NADK2: variants seen among roughly 807,000 people sequenced by gnomAD.
The protein encoded by NADK2 is NAD kinase 2, mitochondrial.
A neutral mutation model predicts 62.1 loss-of-function variants in NADK2; 35 were observed. The observed-to-expected ratio is 0.56, with a 90% CI of 0.43 to 0.75. The LOEUF (loss-of-function observed/expected upper bound fraction) is 0.75, where lower values mean the gene tolerates loss of function less well. Ranked by LOEUF, NADK2 falls within the 30% of genes least tolerant of loss-of-function variation. The pLI is 0.00. For synonymous variants in NADK2, 205 were observed against 207.9 expected (o/e 0.99, Z 0.12); for missense variants, 439 against 561.3 (o/e 0.78, Z 2.20).
intron 11 of NADK2, among the ~76,000 whole-genome samples, chr5:36,196,031 C>G (rs997010016): frequency 4.6e-5 from 7 of 151,998 alleles, no homozygotes; most frequent in Non-Finnish European, 8.8e-5. Context: ...ATGAAAACAC[C>G]AAAATTTATA....
chr5:36,239,320 G>A (rs1748022659), intron 1 of NADK2, among the ~76,000 whole-genome samples: 1 of 152,114 alleles, frequency 6.6e-6, no homozygotes, highest in Non-Finnish European at 1.5e-5. Flanking sequence ...CTCTCATCTG[G>A]TCTACAACTA....
intron 1 of NADK2, among the ~76,000 whole-genome samples, chr5:36,228,234 T>C (rs950172911): frequency 6.6e-6 from 1 of 152,178 alleles, no homozygotes; most frequent in Admixed American, 6.5e-5. Context: ...CCATTAAAAT[T>C]TTTTTAACTA....
chr5:36,193,245 G>A lies in NADK2; in HGVS notation c.*1899C>T, dbSNP rs1376921281. The A allele has an allele frequency of 2.0e-5, 3 of 152,058 alleles. No individual in the cohort carries two copies. Among genetic ancestry groups the A allele is most frequent in the Non-Finnish European group, 4.4e-5 (3 of 68,022 alleles). 9.4% of individuals were successfully genotyped at this position (152,058 alleles called of 1,614,324 possible). ...TGTAATCCCAATACTGGGAGGCCGA[G>A]GCAGGCAGATCACAAGGTCAGGAGT... is the stretch of plus-strand genomic sequence containing the variant. On this transcript the variant is annotated 3_prime_UTR_variant, in exon 12 of 12. Coordinates refer to ENST00000381937, the MANE Select transcript of NADK2 (RefSeq NM_001085411.3).
chr5:36,241,277 C>T lies in NADK2; in HGVS notation c.300+222G>A. On this transcript the variant is annotated intron_variant, in intron 1 of 11. Transcript: ENST00000381937. This position sits in a 1 kb window ranked among gnomAD's most constrained non-coding sequence, Gnocchi z 4.9. ...AGTCCCTGCATGAACCACTGTCCCT[C>T]TCTCTCCCCCTCTCCCCGGCCCTGC... is the stretch of plus-strand genomic sequence containing the variant. 1.1e-6 allele frequency: 1 copy of T among 899,326 alleles called. No homozygotes were observed. The highest frequency in any genetic ancestry group is 1.5e-6 in the Non-Finnish European group (1 of 664,838). The allele number at this position is 899,326 out of a possible 1,614,324, so 55.7% of individuals were successfully genotyped here. A position where few individuals can be genotyped will look rare whatever the true frequency, so the allele number is the denominator to read the frequency against.
rs141766246 is a variant in NADK2 at position 36,203,033 on chromosome 5, AAGAG to A, written c.957-1876_957-1873del. On this transcript the variant is annotated intron_variant, in intron 8 of 11. Coordinates refer to ENST00000381937, the MANE Select transcript of NADK2 (RefSeq NM_001085411.3). ...AAAGCCCCTCTCTATCAAGAATTAA[AAGAG>A]AGAAAAATAGACTATCCTAATATTT... Among the ~76,000 whole-genome samples the A allele has an allele frequency of 0.012, 1,835 of 152,234 alleles. 149 individuals carry two copies. In the East Asian group the frequency reaches 0.21, roughly 18 times the overall value.
chr5:36,197,672 GA>G lies in NADK2; in HGVS notation c.1067-9del, dbSNP rs750272972. On this transcript the variant is annotated splice_polypyrimidine_tract_variant and intron_variant, in intron 10 of 11. Transcript: ENST00000381937. Reference sequence around the variant, plus strand: ...CATTATATTCATTTGTTACTACAAAGAAAAAAAAATTAGCACACTCAATAAA... The same window carrying G: ...CATTATATTCATTTGTTACTACAAAGAAAAAAAATTAGCACACTCAATAAA... 92 of 1,508,506 alleles carry G rather than the reference GA, an allele frequency of 6.1e-5. No individual in the cohort carries two copies. Among genetic ancestry groups the G allele is most frequent in the Middle Eastern group, 1.8e-4 (1 of 5,638 alleles). The allele number at this position is 1,508,506 out of a possible 1,614,324, so 93.4% of individuals were successfully genotyped here.
intron 6 of NADK2, among the ~76,000 whole-genome samples, chr5:36,213,618 C>CATATATACATATATATAT (rs1554008783): frequency 6.5e-5 from 7 of 107,536 alleles, no homozygotes; most frequent in African/African-American, 2.1e-4. Flanking sequence ...TATATGCATG[C>CATATATACATATATATAT]ATATATATAT....
chr5:36,198,510 A>G (rs1419807760), intron 10 of NADK2, among the ~76,000 whole-genome samples: 1 of 151,192 alleles, frequency 6.6e-6, no homozygotes, highest in Non-Finnish European at 1.5e-5. Context: ...AAGATAGTCA[A>G]ATCTTGAAAG....
In NADK2 at chr5:36,241,277, C is replaced by G. The variant is rs1007510877; in HGVS notation, c.300+222G>C. On this transcript the variant is annotated intron_variant, in intron 1 of 11. Transcript: ENST00000381937. The surrounding 1 kb of genome is among the most constrained non-coding windows in gnomAD (Gnocchi z 4.9). The stretch of plus-strand genomic sequence containing the variant: ...AGTCCCTGCATGAACCACTGTCCCT[C>G]TCTCTCCCCCTCTCCCCGGCCCTGC... 1.1e-6 allele frequency: 1 copy of G among 899,324 alleles called. No individual in the cohort carries two copies. The allele number at this position is 899,324 out of a possible 1,614,324, so 55.7% of individuals were successfully genotyped here. A position where few individuals can be genotyped will look rare whatever the true frequency, so the allele number is the denominator to read the frequency against.
chr5:36,200,298 G>A lies in NADK2; in HGVS notation c.1013-18C>T, dbSNP rs747551553. 3 of 1,560,822 alleles carry A rather than the reference G, an allele frequency of 1.9e-6. No individual in the cohort carries two copies. The highest frequency in any genetic ancestry group is 1.4e-5 in the African/African-American group (1 of 72,364). ...TCGTTTTGCTGTTGAAAAAGGAAAG[G>A]GGGAAAATGTATGTTATAAATATAT... On this transcript the variant is annotated intron_variant, in intron 9 of 11. Transcript: ENST00000381937.
At chr5:36,234,643 T>G (rs551897795) in intron 1 of NADK2, among the ~76,000 whole-genome samples, 1 of 152,150 alleles carries the variant, frequency 6.6e-6, no homozygotes, top group Non-Finnish European at 1.5e-5. Flanking sequence ...GTGGGAAAAG[T>G]TGGATGCATA....
Position 36,241,760 on chromosome 5 carries a change from ACAACAGCTGCCCAG to A in NADK2, c.25_38del (p.Leu9SerfsTer27). ...CCGCCGCCCGGCCGCCCGCCACGCGACAACAGCTGCCCAGCAAGAAGCCTCGGTAGCAAGTCATC... is the reference window on the plus strand; with the variant it reads ...CCGCCGCCCGGCCGCCCGCCACGCGACAAGAAGCCTCGGTAGCAAGTCATC... On this transcript the variant is annotated frameshift_variant, in exon 1 of 12. Coordinates refer to ENST00000381937, the MANE Select transcript of NADK2 (RefSeq NM_001085411.3). LOFTEE classifies it high-confidence loss of function. This position sits in a 1 kb window ranked among gnomAD's most constrained non-coding sequence, Gnocchi z 4.9. 7.5e-7 allele frequency: 1 copy of A among 1,328,404 alleles called. No individual in the cohort carries two copies. The highest frequency in any genetic ancestry group is 9.7e-7 in the Non-Finnish European group (1 of 1,034,658). 82.3% of individuals were successfully genotyped at this position (1,328,404 alleles called of 1,614,324 possible). A position where few individuals can be genotyped will look rare whatever the true frequency, so the allele number is the denominator to read the frequency against.
At chr5:36,232,598 A>G (rs1158054120) in intron 1 of NADK2, among the ~76,000 whole-genome samples, 1 of 152,112 alleles carries the variant, frequency 6.6e-6, no homozygotes, top group Non-Finnish European at 1.5e-5. Flanking sequence ...TTCTTCACAT[A>G]TATTTGGTAT....
intron 6 of NADK2, among the ~76,000 whole-genome samples, chr5:36,216,181 A>C (rs1167701297): frequency 6.6e-6 from 1 of 152,116 alleles, no homozygotes; most frequent in Non-Finnish European, 1.5e-5. Context: ...CATTTCCCTG[A>C]TGATTAGTGA....
intron 7 of NADK2, among the ~76,000 whole-genome samples, chr5:36,209,402 G>C (rs1746758376): frequency 1.3e-5 from 2 of 152,082 alleles, no homozygotes; most frequent in South Asian, 4.1e-4. Context: ...AGCAAAGCTA[G>C]CTCTCAGCAG....
chr5:36,224,868 GT>G (rs1326466736), intron 4 of NADK2, among the ~76,000 whole-genome samples: 1 of 152,076 alleles, frequency 6.6e-6, no homozygotes, highest in Non-Finnish European at 1.5e-5. Context: ...TGCCAATAGT[GT>G]TTTTATTGGT....
Position 36,227,460 on chromosome 5 carries a change from C to T in NADK2, c.389+17G>A. 2 of 1,353,944 alleles carry T rather than the reference C, an allele frequency of 1.5e-6. No individual in the cohort carries two copies. The highest frequency in any genetic ancestry group is 3.0e-5 in the Admixed American group (1 of 33,878). The allele number at this position is 1,353,944 out of a possible 1,614,324, so 83.9% of individuals were successfully genotyped here. ...TGAATATAAAATCCAACCCAAGACC[C>T]AATCCCATAGACTTACCGTAAACTA... On this transcript the variant is annotated intron_variant, in intron 2 of 11. Transcript: ENST00000381937.
In NADK2 at chr5:36,200,292, G is replaced by A; in HGVS notation, c.1013-12C>T. 4 of 1,566,222 alleles carry A rather than the reference G, an allele frequency of 2.6e-6. No homozygotes were observed. Among genetic ancestry groups the A allele is most frequent in the South Asian group, 1.2e-5 (1 of 84,406 alleles). On this transcript the variant is annotated splice_polypyrimidine_tract_variant and intron_variant, in intron 9 of 11. Transcript: ENST00000381937. ...TCCTTGTCGTTTTGCTGTTGAAAAA[G>A]GAAAGGGGGAAAATGTATGTTATAA...
chr5:36,207,307 T>C, intron 7 of NADK2, 42 bp from the exon 8 acceptor site: 3 of 1,458,212 alleles, frequency 2.1e-6, no homozygotes, highest in Non-Finnish European at 2.9e-6. Flanking sequence ...AGCTTATGGT[T>C]CAAGGTAAAT....
Sources: allele counts gnomAD v4.1 joint callset (sites outside exome capture counted in the v4.1 genomes callset), GRCh38; gene constraint gnomAD v4.1.1; non-coding constraint Gnocchi (gnomAD v3.1); transcripts MANE v1.5; gene names NCBI Gene and HGNC (gene_info 2026-07-23, HGNC 2026-07-21).